IL1RAPL1: variants seen among roughly 807,000 people sequenced by gnomAD.
IL1RAPL1 encodes the protein interleukin-1 receptor accessory protein-like 1.
Under a neutral mutation model 48.4 loss-of-function variants are expected in IL1RAPL1, and 3 were observed. The observed-to-expected ratio is 0.06, with a 90% CI of 0.03 to 0.16. The LOEUF (loss-of-function observed/expected upper bound fraction) is 0.16, where lower values mean the gene tolerates loss of function less well. Among genes scored for constraint, IL1RAPL1 ranks in the 10% least tolerant of loss-of-function variants. IL1RAPL1 has a pLI of 1.00. For synonymous variants in IL1RAPL1, 185 were observed against 187.7 expected, an observed-to-expected ratio of 0.99 and a Z score of 0.12; for missense variants, 349 against 530.6, an observed-to-expected ratio of 0.66 and a Z score of 3.36.
intron 5 of IL1RAPL1, among the ~76,000 whole-genome samples, chrX:29,468,151 C>T (rs983029558): frequency 8.9e-6 from 1 of 112,751 alleles, no homozygotes; most frequent in Non-Finnish European, 1.9e-5. Context: ...AGAGCCACTA[C>T]GTCTGGCCAA....
At chrX:28,837,382 G>T (rs751040482) in intron 2 of IL1RAPL1, among the ~76,000 whole-genome samples, 1 of 111,236 alleles carries the variant, frequency 9.0e-6, no homozygotes, top group African/African-American at 3.3e-5. Context: ...GGGGCCTTCA[G>T]TGTAGCAAAA....
chrX:28,694,076 C>T (rs200933205), intron 1 of IL1RAPL1, among the ~76,000 whole-genome samples: 5 of 111,179 alleles, frequency 4.5e-5, no homozygotes, highest in East Asian at 5.7e-4. Context: ...CCTTTGGTGG[C>T]GTGTTTCTTG....
intron 6 of IL1RAPL1, among the ~76,000 whole-genome samples, chrX:29,711,043 GGTGTGTGT>G (rs768108356): frequency 0.039 from 2,667 of 69,119 alleles, 108 homozygotes; most frequent in African/African-American, 0.12. Context: ...CCATGAGCAT[GGTGTGTGT>G]GTGTGTGTGT....
intron 5 of IL1RAPL1, among the ~76,000 whole-genome samples, chrX:29,539,408 C>T (rs1476464637): frequency 1.8e-5 from 2 of 111,423 alleles, no homozygotes; most frequent in African/African-American, 6.5e-5. Flanking sequence ...AAGGAACATA[C>T]CTCAAAATAC....
chrX:29,278,184 T>G (rs12845933), intron 2 of IL1RAPL1, among the ~76,000 whole-genome samples: 57,152 of 110,839 alleles, frequency 0.52, 11,950 homozygotes, highest in Non-Finnish European at 0.67. Context: ...TTTGTTACCA[T>G]GAACATATTT....
At chrX:28,863,841 A>G (rs1397065912) in intron 2 of IL1RAPL1, among the ~76,000 whole-genome samples, 1 of 111,663 alleles carries the variant, frequency 9.0e-6, no homozygotes, top group African/African-American at 3.2e-5. Flanking sequence ...TTCATTTGCC[A>G]TTCATATATT....
At chrX:29,073,392 C>T (rs770293262) in intron 2 of IL1RAPL1, among the ~76,000 whole-genome samples, 32 of 111,635 alleles carry the variant, frequency 2.9e-4, no homozygotes, top group African/African-American at 9.4e-4. Flanking sequence ...GGCTATTTTG[C>T]ATCCTGTTGC....
At chrX:29,286,775 A>G (rs1932289195) in intron 3 of IL1RAPL1, among the ~76,000 whole-genome samples, 1 of 112,080 alleles carries the variant, frequency 8.9e-6, no homozygotes, top group African/African-American at 3.2e-5. Flanking sequence ...GTTATGCCCT[A>G]TTAGCAGTTT....
At chrX:29,941,326 C>G (rs1469714936) in intron 8 of IL1RAPL1, among the ~76,000 whole-genome samples, 1 of 112,131 alleles carries the variant, frequency 8.9e-6, no homozygotes, top group Non-Finnish European at 1.9e-5. Flanking sequence ...AGTTATGGTA[C>G]TCTGTTAAAC....
chrX:28,725,275 C>G (rs1478313601), intron 1 of IL1RAPL1, among the ~76,000 whole-genome samples: 1 of 110,903 alleles, frequency 9.0e-6, no homozygotes, highest in Admixed American at 9.7e-5. Context: ...AAAACACAAT[C>G]AAACACATAA....
intron 1 of IL1RAPL1, among the ~76,000 whole-genome samples, chrX:28,749,456 C>A (rs1000108103): frequency 8.9e-6 from 1 of 111,752 alleles, no homozygotes; most frequent in Non-Finnish European, 1.9e-5. Flanking sequence ...AATAGCCATT[C>A]TAATAGGAGT....
chrX:28,904,320 A>G (rs1260799461), intron 2 of IL1RAPL1, among the ~76,000 whole-genome samples: 1 of 111,939 alleles, frequency 8.9e-6, no homozygotes, highest in Admixed American at 9.5e-5. Flanking sequence ...TAAAATTTCT[A>G]GCATTCTTAG....
At chrX:28,842,773 A>T (rs1267659938) in intron 2 of IL1RAPL1, among the ~76,000 whole-genome samples, 1 of 111,653 alleles carries the variant, frequency 9.0e-6, no homozygotes, top group Non-Finnish European at 1.9e-5. Context: ...GGTAATGAAG[A>T]TTACTGGGAT....
chrX:28,931,833 C>T lies in IL1RAPL1; in HGVS notation c.82+142408C>T, dbSNP rs187254928. 8.5e-3 allele frequency among the ~76,000 whole-genome samples: 929 copies of T among 109,269 alleles called. 12 individuals are homozygous for T. The highest frequency in any genetic ancestry group is 0.029 in the African/African-American group (886 of 30,079). 94.9% of individuals were successfully genotyped at this position (109,269 alleles called of 115,157 possible). ...CGGGTGGATCACGAGGTCAGGAGATCGAGACCATCCTTGCTAACGTGGTGA... is the reference window on the plus strand; with the variant it reads ...CGGGTGGATCACGAGGTCAGGAGATTGAGACCATCCTTGCTAACGTGGTGA... On this transcript the variant is annotated intron_variant, in intron 2 of 10. Coordinates refer to ENST00000378993, the MANE Select transcript of IL1RAPL1 (RefSeq NM_014271.4).
rs34345826 is a variant in IL1RAPL1 at position 29,954,235 on chromosome X, CAAAAAAAAAAAAAA to C, written c.1202-272_1202-259del. ...TGGACAACTGAGCAAGACTGTGTCC[CAAAAAAAAAAAAAA>C]AAAAAAAAAAAAAAGGAAGTCTGCA... is the stretch of plus-strand genomic sequence containing the variant. On this transcript the variant is annotated intron_variant, in intron 9 of 10. Transcript: ENST00000378993. 6.6e-4 allele frequency among the ~76,000 whole-genome samples: 20 copies of C among 30,422 alleles called. 1 individual carries two copies. Among genetic ancestry groups the C allele is most frequent in the African/African-American group, 4.5e-4 (3 of 6,627 alleles). The allele number at this position is 30,422 out of a possible 115,157, so 26.4% of individuals were successfully genotyped here. A position where few individuals can be genotyped will look rare whatever the true frequency, so the allele number is the denominator to read the frequency against.
intron 2 of IL1RAPL1, among the ~76,000 whole-genome samples, chrX:29,053,644 G>A (rs772593969): frequency 5.4e-5 from 6 of 111,759 alleles, no homozygotes; most frequent in East Asian, 2.8e-4. Flanking sequence ...ATCTTTGCCC[G>A]TTCCTCTGTC....
At chrX:29,344,701 G>A (rs766603017) in intron 3 of IL1RAPL1, among the ~76,000 whole-genome samples, 2 of 111,482 alleles carry the variant, frequency 1.8e-5, no homozygotes, top group Non-Finnish European at 3.8e-5. Context: ...GCAATGGTGC[G>A]ATCTTGGCTC....
rs143055499 is a variant in IL1RAPL1 at position 29,554,659 on chromosome X, T to A, written c.704-113771T>A. Among the ~76,000 whole-genome samples the A allele has an allele frequency of 9.4e-3, 1,054 of 111,587 alleles. 12 individuals are homozygous for A. Among genetic ancestry groups the A allele is most frequent in the Middle Eastern group, 0.051 (11 of 215 alleles). On this transcript the variant is annotated intron_variant, in intron 5 of 10. Coordinates refer to ENST00000378993, the MANE Select transcript of IL1RAPL1 (RefSeq NM_014271.4). ...TCTCTTAGCATTTTAAGTTCCACAGTAGGAGCTATGTAAGTCTCCTAAAGC... is the reference window on the plus strand; with the variant it reads ...TCTCTTAGCATTTTAAGTTCCACAGAAGGAGCTATGTAAGTCTCCTAAAGC...
intron 6 of IL1RAPL1, among the ~76,000 whole-genome samples, chrX:29,706,468 A>T (rs1354374339): frequency 1.8e-5 from 2 of 111,774 alleles, no homozygotes; most frequent in Non-Finnish European, 3.8e-5. Context: ...CAGTGGGGGT[A>T]CAGGCATTGG....
Sources: gnomAD v4.1 joint callset for allele counts (sites outside exome capture counted in the v4.1 genomes callset) on GRCh38, gnomAD v4.1.1 for gene constraint, MANE v1.5 for transcripts, NCBI Gene and HGNC (gene_info 2026-07-23, HGNC 2026-07-21) for gene names.